Variants in CALCOCO2 observed in about 807,000 individuals in gnomAD.
The protein encoded by CALCOCO2 is calcium binding and coiled-coil domain 2.
CALCOCO2 carries 42 observed loss-of-function variants against 62.5 expected under a neutral mutation model. That is an observed-to-expected ratio of 0.67 (90% CI 0.53 to 0.87). CALCOCO2 has a LOEUF of 0.87. Ranked by LOEUF, CALCOCO2 falls within the 40% of genes least tolerant of loss-of-function variation. The pLI, the probability that CALCOCO2 is intolerant of heterozygous loss-of-function variation, is 0.00. For synonymous variants in CALCOCO2, 167 were observed against 173.0 expected, an observed-to-expected ratio of 0.97 and a Z score of 0.27; for missense variants, 456 against 515.0, an observed-to-expected ratio of 0.89 and a Z score of 1.11.
Position 48,863,389 on chromosome 17 carries a change from C to T in CALCOCO2, c.*384C>T. 1 of 252,528 alleles carries T rather than the reference C, an allele frequency of 4.0e-6. No individual in the cohort carries two copies. The highest frequency in any genetic ancestry group is 2.2e-5 in the African/African-American group (1 of 44,866). The allele number at this position is 252,528 out of a possible 1,614,324, so 15.6% of individuals were successfully genotyped here. ...AAGTCAGCCCTTGAGTGTATTTGTTCTCAGTCCTAACCCTGGGGCCAGAGA... is the reference window on the plus strand; with the variant it reads ...AAGTCAGCCCTTGAGTGTATTTGTTTTCAGTCCTAACCCTGGGGCCAGAGA... On this transcript the variant is annotated 3_prime_UTR_variant, in exon 13 of 13. Transcript: ENST00000258947.
Position 48,854,413 on chromosome 17 carries a change from T to A in CALCOCO2, c.912+1401T>A, listed in dbSNP as rs1350960925. On this transcript the variant is annotated intron_variant, in intron 9 of 12. Coordinates refer to ENST00000258947, the MANE Select transcript of CALCOCO2 (RefSeq NM_005831.5). ...ATATATATATTTTTTTTTTTTTTTT[T>A]TTTTTTTTTTTTGAGACAGTCTTGC... Among the ~76,000 whole-genome samples the A allele has an allele frequency of 4.4e-4, 19 of 43,032 alleles. 4 individuals are homozygous for A. The East Asian group carries it at 0.018, about 41-fold the overall frequency. The allele number at this position is 43,032 out of a possible 152,430, so 28.2% of individuals were successfully genotyped here.
chr17:48,839,976 T>C (rs2039954646), intron 1 of CALCOCO2, among the ~76,000 whole-genome samples: 1 of 150,416 alleles, frequency 6.6e-6, no homozygotes, highest in African/African-American at 2.4e-5. Context: ...TGCCTGGCTT[T>C]TTTTGCTTGT....
chr17:48,843,269 T>C (rs1185399317), intron 2 of CALCOCO2, among the ~76,000 whole-genome samples: 1 of 152,198 alleles, frequency 6.6e-6, no homozygotes, highest in Non-Finnish European at 1.5e-5. Flanking sequence ...CATCCGTGTC[T>C]TTCCCTCTTA....
rs1278507855 is a variant in CALCOCO2, at chr17:48,841,707, C to T, written c.-1C>T. 2 of 1,608,394 alleles carry T rather than the reference C, an allele frequency of 1.2e-6. No individual in the cohort carries two copies. The highest frequency in any genetic ancestry group is 1.7e-5 in the Admixed American group (1 of 59,466). ...CCACATTTCATAACAGGACCCCTACCATGGAGGAGACCATCAAAGATCCCC... is the reference window on the plus strand; with the variant it reads ...CCACATTTCATAACAGGACCCCTACTATGGAGGAGACCATCAAAGATCCCC... On this transcript the variant is annotated 5_prime_UTR_variant, in exon 2 of 13. Coordinates refer to ENST00000258947, the MANE Select transcript of CALCOCO2 (RefSeq NM_005831.5).
intron 9 of CALCOCO2, among the ~76,000 whole-genome samples, chr17:48,853,857 G>T (rs12938102): frequency 6.6e-6 from 1 of 152,336 alleles, no homozygotes; most frequent in South Asian, 2.1e-4. Context: ...AGCAGCAATA[G>T]CTAGAGCTGA....
At chr17:48,858,525 TCAC>T (rs1030574513) in intron 10 of CALCOCO2, among the ~76,000 whole-genome samples, 4 of 151,942 alleles carry the variant, frequency 2.6e-5, no homozygotes, top group African/African-American at 9.7e-5. Flanking sequence ...AGAGGGGGTT[TCAC>T]CATGTTGCCC....
chr17:48,834,351 T>G lies in CALCOCO2; in HGVS notation c.-11+3273T>G, dbSNP rs375710466. Among the ~76,000 whole-genome samples the G allele has an allele frequency of 3.0e-4, 46 of 152,266 alleles. 1 individual carries two copies. The South Asian group carries it at 8.7e-3, about 29-fold the overall frequency. On this transcript the variant is annotated intron_variant, in intron 1 of 12. Transcript: ENST00000258947. ...GCTCCTCTGAGGGCCCTAATCCTTT[T>G]GGAAACTGAGCTGAAAAAAGGTAAT...
intron 2 of CALCOCO2, among the ~76,000 whole-genome samples, chr17:48,843,264 G>A (rs79051815): frequency 1.2e-3 from 187 of 152,100 alleles, no homozygotes; most frequent in Non-Finnish European, 2.2e-3. Context: ...CCTCCCATCC[G>A]TGTCTTTCCC....
In CALCOCO2 at chr17:48,864,456, G is replaced by A. The variant is rs183862864; in HGVS notation, c.*1451G>A. On this transcript the variant is annotated 3_prime_UTR_variant, in exon 13 of 13. Transcript: ENST00000258947. ...ACCCTTTGTGAACTAAGTTCAATGCGCTCTATCCAAATTTGCCTAATTGAA... is the reference window on the plus strand; with the variant it reads ...ACCCTTTGTGAACTAAGTTCAATGCACTCTATCCAAATTTGCCTAATTGAA... 1.4e-4 allele frequency: 21 copies of A among 154,162 alleles called. No individual in the cohort carries two copies. The highest frequency in any genetic ancestry group is 9.2e-4 in the Admixed American group (14 of 15,276). The allele number at this position is 154,162 out of a possible 1,614,324, so 9.5% of individuals were successfully genotyped here. A position where few individuals can be genotyped will look rare whatever the true frequency, so the allele number is the denominator to read the frequency against.
chr17:48,848,833 T>G, intron 4 of CALCOCO2: 1 of 483,282 alleles, frequency 2.1e-6, no homozygotes, highest in Non-Finnish European at 4.1e-6. Flanking sequence ...CATACGTGAG[T>G]ATTAGATTCA....
chr17:48,857,308 C>G (rs1025552741), intron 10 of CALCOCO2, among the ~76,000 whole-genome samples: 1 of 151,172 alleles, frequency 6.6e-6, no homozygotes, highest in Non-Finnish European at 1.5e-5. Flanking sequence ...AGCGATTCCC[C>G]TGCCTCAGCC....
intron 9 of CALCOCO2, among the ~76,000 whole-genome samples, chr17:48,854,654 C>T (rs1384475532): frequency 6.6e-6 from 1 of 151,250 alleles, no homozygotes; most frequent in African/African-American, 2.4e-5. Flanking sequence ...GATCCACCCA[C>T]CTCGGCCTCC....
intron 10 of CALCOCO2, among the ~76,000 whole-genome samples, chr17:48,857,992 TAG>T (rs1394928659): frequency 5.4e-5 from 1 of 18,578 alleles, no homozygotes; most frequent in Non-Finnish European, 1.3e-4. Flanking sequence ...TAGAATAGAA[TAG>T]AATAGAATAG....
chr17:48,841,669 G>A (rs369990612), intron 1 of CALCOCO2, 29 bp from the exon 2 acceptor site: 5 of 1,486,912 alleles, frequency 3.4e-6, no homozygotes, highest in African/African-American at 1.4e-5. Flanking sequence ...TGCTTTCTGA[G>A]CCTTACTCTG....
chr17:48,857,209 T>C (rs1478322845), intron 10 of CALCOCO2, among the ~76,000 whole-genome samples: 1 of 151,352 alleles, frequency 6.6e-6, no homozygotes, highest in Non-Finnish European at 1.5e-5. Context: ...TTTTTTTTTT[T>C]TTTTTGAGAC....
In CALCOCO2 at chr17:48,853,057, A is replaced by T. The variant is rs2040157495; in HGVS notation, c.912+45A>T. ...GTTATGTGGGAGGGAGCCTATAGGG[A>T]TGTAGAAGAAAAGGATATGGGCCTA... On this transcript the variant is annotated intron_variant, in intron 9 of 12. Transcript: ENST00000258947. The T allele has an allele frequency of 8.3e-6, 11 of 1,317,990 alleles. No individual in the cohort carries two copies. In the East Asian group the frequency reaches 2.5e-4, roughly 30 times the overall value. 81.6% of individuals were successfully genotyped at this position (1,317,990 alleles called of 1,614,324 possible). A position where few individuals can be genotyped will look rare whatever the true frequency, so the allele number is the denominator to read the frequency against.
chr17:48,835,720 TTTTTCTTTTCTTTTCTTTTC>T (rs148812139), intron 1 of CALCOCO2, among the ~76,000 whole-genome samples: 1,794 of 143,240 alleles, frequency 0.013, 36 homozygotes, highest in African/African-American at 0.046. Flanking sequence ...AGATTGGTTG[TTTTTCTTTTCTTTTCTTTTC>T]TTTTCTTTTC....
rs997752012 is a variant in CALCOCO2, at chr17:48,851,162, A to G, written c.617A>G (p.Glu206Gly). The G allele has an allele frequency of 6.2e-7, 1 of 1,603,584 alleles. No individual in the cohort carries two copies. ...GTGAAAGAACAGAAGGACTATTGGG[A>G]GACAGAGCTGCTTCAGTGAGTGCAT... ...LKVKEQKDYW[E>G]TELLQLKEQN... Residue 206 changes from glutamate (E) to glycine (G), a missense_variant, in exon 6 of 13, where the codon GAG becomes GGG. Glu to Gly is a moderately conservative substitution (Grantham distance 98, BLOSUM62 -2). Transcript: ENST00000258947.
chr17:48,854,503 T>C (rs907098703), intron 9 of CALCOCO2, among the ~76,000 whole-genome samples: 8 of 130,668 alleles, frequency 6.1e-5, no homozygotes, highest in Non-Finnish European at 3.1e-5. Context: ...CCTCCCGGGC[T>C]CAAGCTATTC....
Sources: allele counts gnomAD v4.1 joint callset (sites outside exome capture counted in the v4.1 genomes callset), GRCh38; gene constraint gnomAD v4.1.1; transcripts MANE v1.5; gene names NCBI Gene and HGNC (gene_info 2026-07-23, HGNC 2026-07-21).